Variants in ABI2 observed in about 807,000 individuals in gnomAD.
ABI2 encodes the protein abl interactor 2.
In ABI2, 25 loss-of-function variants were observed where a neutral mutation model predicts 59.2. The observed-to-expected ratio is 0.42, with a 90% CI of 0.31 to 0.59. The LOEUF is 0.59. ABI2 is among the 20% of genes least tolerant of loss of function. The pLI, the probability that ABI2 is intolerant of heterozygous loss-of-function variation, is 0.14. For synonymous variants in ABI2, 213 were observed against 235.5 expected, an observed-to-expected ratio of 0.90 and a Z score of 0.87; for missense variants, 545 against 681.8, an observed-to-expected ratio of 0.80 and a Z score of 2.23.
rs1265919646 is a variant in ABI2, at chr2:203,360,610, A to G, written c.118-6267A>G. Among the ~76,000 whole-genome samples the G allele has an allele frequency of 2.0e-5, 3 of 152,354 alleles. No individual in the cohort carries two copies. The East Asian group carries it at 5.8e-4, about 29-fold the overall frequency. The stretch of plus-strand genomic sequence containing the variant: ...AGCAGTTTAGCAAAATGGAGAATTT[A>G]GATACCAGGAATGACCTGATTCAGG... On this transcript the variant is annotated intron_variant, in intron 1 of 11. Coordinates refer to ENST00000261018, the MANE Select transcript of ABI2 (RefSeq NM_001375670.1).
intron 1 of ABI2, among the ~76,000 whole-genome samples, chr2:203,331,348 CTTTTT>C (rs201209202): frequency 3.2e-4 from 27 of 85,304 alleles, no homozygotes; most frequent in Non-Finnish European, 4.6e-4. Flanking sequence ...TCAATTTAGC[CTTTTT>C]TTTTTTTTTT....
intron 2 of ABI2, among the ~76,000 whole-genome samples, chr2:203,373,615 C>T (rs2095472247): frequency 6.6e-6 from 1 of 151,998 alleles, no homozygotes; most frequent in South Asian, 2.1e-4. Context: ...TTTGTCATGG[C>T]TTAGAAAAAA....
chr2:203,426,042 G>T (rs528341933), intron 11 of ABI2, among the ~76,000 whole-genome samples: 1 of 150,204 alleles, frequency 6.7e-6, no homozygotes, highest in African/African-American at 2.5e-5. Context: ...AAAAAATTCT[G>T]GTGTTCCTAC....
intron 1 of ABI2, among the ~76,000 whole-genome samples, chr2:203,352,590 A>G (rs970782338): frequency 6.6e-5 from 10 of 152,176 alleles, no homozygotes; most frequent in African/African-American, 1.9e-4. Flanking sequence ...TAGAGAAAAG[A>G]GAAAATGATA....
chr2:203,384,425 G>C (rs1199869890), intron 4 of ABI2, among the ~76,000 whole-genome samples: 2 of 150,194 alleles, frequency 1.3e-5, no homozygotes, highest in Non-Finnish European at 2.9e-5. Context: ...TCCTGCCTCA[G>C]CTTCCTGAGT....
chr2:203,423,978 C>T (rs1212259546), intron 11 of ABI2, among the ~76,000 whole-genome samples: 1 of 152,070 alleles, frequency 6.6e-6, no homozygotes, highest in Non-Finnish European at 1.5e-5. Context: ...ATGTGTAAGT[C>T]CTTTTCTGTT....
intron 6 of ABI2, among the ~76,000 whole-genome samples, chr2:203,395,435 A>ATATATATG (rs1440223151): frequency 1.2e-5 from 1 of 81,372 alleles, no homozygotes; most frequent in African/African-American, 3.4e-5. Flanking sequence ...ATAAGTAAAT[A>ATATATATG]TATATATATA....
intron 1 of ABI2, among the ~76,000 whole-genome samples, chr2:203,335,263 T>G (rs1214311312): frequency 6.6e-6 from 1 of 152,158 alleles, no homozygotes; most frequent in African/African-American, 2.4e-5. Context: ...TTACTTTATT[T>G]TATTTTATTT....
chr2:203,354,952 T>G (rs534935624), intron 1 of ABI2, among the ~76,000 whole-genome samples: 21 of 152,234 alleles, frequency 1.4e-4, no homozygotes, highest in Non-Finnish European at 2.1e-4. Flanking sequence ...AATTGTCTTC[T>G]AATATCAGTT....
chr2:203,376,050 T>C, intron 2 of ABI2: 5 of 1,529,164 alleles, frequency 3.3e-6, no homozygotes, highest in Non-Finnish European at 4.4e-6. Flanking sequence ...AAAATATCTA[T>C]ACTTAGGCAA....
intron 1 of ABI2, among the ~76,000 whole-genome samples, chr2:203,357,535 C>T (rs748474370): frequency 6.6e-6 from 1 of 152,190 alleles, no homozygotes; most frequent in Non-Finnish European, 1.5e-5. Flanking sequence ...CTAAAGTGCT[C>T]CTCTGACACT....
chr2:203,416,850 A>G, intron 10 of ABI2, 58 bp from the exon 11 acceptor site: 1 of 1,470,436 alleles, frequency 6.8e-7, no homozygotes. Context: ...AAGCTTGGAT[A>G]GGAAATACTG....
chr2:203,357,644 G>T lies in ABI2; in HGVS notation c.118-9233G>T, dbSNP rs142306778. ...AGATGATATAACATATTTTAAAAGT[G>T]TCATGTTATTGAGAACTGAAGCCAG... is the stretch of plus-strand genomic sequence containing the variant. On this transcript the variant is annotated intron_variant, in intron 1 of 11. Coordinates refer to ENST00000261018, the MANE Select transcript of ABI2 (RefSeq NM_001375670.1). Among the ~76,000 whole-genome samples the T allele has an allele frequency of 5.9e-5, 9 of 152,312 alleles. 1 individual carries two copies. In the East Asian group the frequency reaches 1.7e-3, roughly 29 times the overall value.
chr2:203,397,811 C>T (rs765265541), intron 8 of ABI2, among the ~76,000 whole-genome samples: 16 of 152,142 alleles, frequency 1.1e-4, no homozygotes, highest in Non-Finnish European at 1.9e-4. Context: ...ACACTGGTCA[C>T]GTGGCCAGAG....
intron 2 of ABI2, among the ~76,000 whole-genome samples, chr2:203,371,852 T>G (rs1322337691): frequency 1.3e-5 from 2 of 152,104 alleles, no homozygotes; most frequent in Non-Finnish European, 2.9e-5. Flanking sequence ...ATAAAAAGTT[T>G]GCAAAACACT....
intron 10 of ABI2, among the ~76,000 whole-genome samples, chr2:203,413,190 A>C (rs1298644988): frequency 6.6e-6 from 1 of 152,216 alleles, no homozygotes; most frequent in East Asian, 1.9e-4. Context: ...CAGATTTTGA[A>C]ACTGACATTG....
chr2:203,396,228 T>C (rs2096976823), intron 7 of ABI2, among the ~76,000 whole-genome samples: 1 of 152,224 alleles, frequency 6.6e-6, no homozygotes, highest in South Asian at 2.1e-4. Flanking sequence ...AAAAATCTGC[T>C]TATTTGATTC....
chr2:203,395,603 T>A (rs988113819), intron 6 of ABI2, 53 bp from the exon 7 acceptor site: 2 of 1,550,324 alleles, frequency 1.3e-6, no homozygotes, highest in Admixed American at 1.9e-5. Context: ...GAAGTGCTGA[T>A]GATCTCTTAC....
chr2:203,366,227 G>A (rs2094429061), intron 1 of ABI2, among the ~76,000 whole-genome samples: 1 of 152,168 alleles, frequency 6.6e-6, no homozygotes, highest in African/African-American at 2.4e-5. Flanking sequence ...GCTGAGGCAG[G>A]CCAATGAATC....
Sources: allele counts gnomAD v4.1 joint callset (sites outside exome capture counted in the v4.1 genomes callset), GRCh38; gene constraint gnomAD v4.1.1; transcripts MANE v1.5; gene names NCBI Gene and HGNC (gene_info 2026-07-23, HGNC 2026-07-21).